Variants in SOX5 observed in about 807,000 individuals in gnomAD.
SOX5 encodes the protein transcription factor SOX-5.
Under a neutral mutation model 92.0 loss-of-function variants are expected in SOX5, and 9 were observed. The ratio of observed to expected loss-of-function variants is 0.10; its 90% CI spans 0.06 to 0.17. The LOEUF is 0.17. Among genes scored for constraint, SOX5 ranks in the 10% least tolerant of loss-of-function variants. The pLI, the probability that SOX5 is intolerant of heterozygous loss-of-function variation, is 1.00. For missense variants in SOX5, 642 were observed against 944.5 expected (o/e 0.68, Z 4.20); for synonymous variants, 344 against 336.3 (o/e 1.02, Z -0.25).
chr12:24,035,289 A>G (rs1390307898), intron 4 of SOX5, among the ~76,000 whole-genome samples: 2 of 152,088 alleles, frequency 1.3e-5, no homozygotes, highest in East Asian at 3.9e-4. Flanking sequence ...GTAAAAGCTA[A>G]CCAATGATAA....
chr12:23,767,235 CACACACACACACAT>C (rs1462307717), intron 3 of SOX5, among the ~76,000 whole-genome samples: 4 of 139,272 alleles, frequency 2.9e-5, no homozygotes, highest in Admixed American at 7.4e-5. Flanking sequence ...CACACACACA[CACACACACACACAT>C]ATATATATTC....
chr12:23,542,687 G>C (rs757326859), intron 13 of SOX5, among the ~76,000 whole-genome samples: 1 of 152,152 alleles, frequency 6.6e-6, no homozygotes, highest in East Asian at 1.9e-4. Flanking sequence ...ACATCTTCTT[G>C]TGTTCTGAAA....
chr12:23,665,931 T>C (rs2083723241), intron 6 of SOX5, among the ~76,000 whole-genome samples: 1 of 152,148 alleles, frequency 6.6e-6, no homozygotes, highest in Admixed American at 6.6e-5. Flanking sequence ...CTGCAAATCC[T>C]ACTTGTTGGG....
chr12:23,785,738 GACACAAAC>G (rs1184811281), intron 3 of SOX5, among the ~76,000 whole-genome samples: 13 of 152,106 alleles, frequency 8.5e-5, no homozygotes, highest in Admixed American at 5.9e-4. Flanking sequence ...CATATGCCCA[GACACAAAC>G]ACACAAACAC....
At chr12:23,981,749 A>T (rs1165711961) in intron 4 of SOX5, among the ~76,000 whole-genome samples, 1 of 152,124 alleles carries the variant, frequency 6.6e-6, no homozygotes, top group East Asian at 1.9e-4. Flanking sequence ...CAAGAGGCTA[A>T]AGACTGTTAT....
chr12:24,047,638 T>C (rs1957182780), intron 4 of SOX5, among the ~76,000 whole-genome samples: 1 of 152,184 alleles, frequency 6.6e-6, no homozygotes, highest in African/African-American at 2.4e-5. Flanking sequence ...CAGGACCTAG[T>C]GTCTGCAAAT....
At chr12:24,534,792 C>T (rs1454496024) in intron 1 of SOX5, among the ~76,000 whole-genome samples, 1 of 152,216 alleles carries the variant, frequency 6.6e-6, no homozygotes, top group East Asian at 1.9e-4. Flanking sequence ...AGGACAGCTG[C>T]TTCTTCATGG....
At chr12:23,701,265 A>G (rs143484044) in intron 6 of SOX5, among the ~76,000 whole-genome samples, 1 of 152,196 alleles carries the variant, frequency 6.6e-6, no homozygotes, top group African/African-American at 2.4e-5. Flanking sequence ...CACAGCAACC[A>G]CATTTTGTTA....
At position 24,063,097 on chromosome 12, in the gene SOX5, A is replaced by G. The variant is rs1592795507; in HGVS notation, c.-2+150246T>C. On this transcript the variant is annotated intron_variant, in intron 4 of 4. Transcript: ENST00000446891. ...CTTAAGTACTGCCAGATGTGCAGCT[A>G]TAACAAATTTCAGCCCTTTCTGAAG... 4.6e-5 allele frequency among the ~76,000 whole-genome samples: 7 copies of G among 152,358 alleles called. No homozygotes were observed. In the South Asian group the frequency reaches 1.4e-3, roughly 32 times the overall value.
rs566347768 is a variant in SOX5 at position 24,453,305 on chromosome 12, A to T, written c.-250-84666T>A. 6.6e-5 allele frequency among the ~76,000 whole-genome samples: 10 copies of T among 152,310 alleles called. No individual in the cohort carries two copies. The East Asian group carries it at 7.7e-4, about 12-fold the overall frequency. ...CACTATGTTTTGAAATAATAAAAAA[A>T]AATCTGATTTCTTAAGTTGAGCAAA... On this transcript the variant is annotated intron_variant, in intron 1 of 4. Coordinates refer to the SOX5 transcript ENST00000446891.
chr12:24,303,827 GA>G (rs1349358275), intron 2 of SOX5, among the ~76,000 whole-genome samples: 1 of 152,204 alleles, frequency 6.6e-6, no homozygotes, highest in Non-Finnish European at 1.5e-5. Context: ...AGGGGAGAGA[GA>G]GGGGGAGGCA....
intron 1 of SOX5, among the ~76,000 whole-genome samples, chr12:24,417,090 A>C (rs1002142167): frequency 2.6e-5 from 4 of 152,054 alleles, no homozygotes; most frequent in Non-Finnish European, 5.9e-5. Context: ...TCTGTTTCTC[A>C]TTGGGGTTAT....
chr12:24,354,280 A>G (rs1368747140), intron 2 of SOX5, among the ~76,000 whole-genome samples: 1 of 152,218 alleles, frequency 6.6e-6, no homozygotes, highest in Admixed American at 6.5e-5. Context: ...CAAACAAAAA[A>G]CAAAACAAAA....
chr12:24,421,620 G>A (rs1472321472), intron 1 of SOX5, among the ~76,000 whole-genome samples: 1 of 152,082 alleles, frequency 6.6e-6, no homozygotes, highest in Non-Finnish European at 1.5e-5. Context: ...TTACCTAGTG[G>A]TAAAAGATTC....
intron 3 of SOX5, among the ~76,000 whole-genome samples, chr12:23,838,942 C>T (rs973490471): frequency 1.1e-4 from 17 of 150,456 alleles, no homozygotes; most frequent in Non-Finnish European, 1.6e-4. Context: ...GGGGTTCAAG[C>T]GATTCTCCTA....
intron 1 of SOX5, among the ~76,000 whole-genome samples, chr12:24,398,397 G>A (rs986379269): frequency 2.6e-5 from 4 of 152,250 alleles, no homozygotes; most frequent in Admixed American, 6.5e-5. Context: ...CCAGCTACTC[G>A]AGAGGCTGAG....
intron 1 of SOX5, among the ~76,000 whole-genome samples, chr12:24,549,712 C>T (rs1952965510): frequency 6.6e-6 from 1 of 152,228 alleles, no homozygotes; most frequent in African/African-American, 2.4e-5. Context: ...AGGTCTCAAA[C>T]ATGAGCCTGA....
chr12:24,475,331 A>G (rs911226300), intron 1 of SOX5, among the ~76,000 whole-genome samples: 15 of 152,226 alleles, frequency 9.9e-5, no homozygotes, highest in Admixed American at 9.8e-4. Context: ...ATTAAAAACA[A>G]AACATGGTTC....
intron 2 of SOX5, among the ~76,000 whole-genome samples, chr12:23,875,818 T>C (rs889699652): frequency 3.3e-5 from 5 of 152,190 alleles, no homozygotes; most frequent in African/African-American, 1.2e-4. Flanking sequence ...TCATAGAAGA[T>C]TTCCCCTTCA....
Sources: gnomAD v4.1 joint callset for allele counts (sites outside exome capture counted in the v4.1 genomes callset) on GRCh38, gnomAD v4.1.1 for gene constraint, MANE v1.5 for transcripts, NCBI Gene and HGNC (gene_info 2026-07-23, HGNC 2026-07-21) for gene names.